Variants in CADPS observed in about 807,000 individuals in gnomAD.
CADPS encodes the protein calcium dependent secretion activator, also known as calcium-dependent secretion activator 1.
Under a neutral mutation model 167.3 loss-of-function variants are expected in CADPS, and 57 were observed. That is an observed-to-expected ratio of 0.34 (90% CI 0.28 to 0.42). The LOEUF (loss-of-function observed/expected upper bound fraction) is 0.42. Ranked by LOEUF, CADPS falls within the 20% of genes least tolerant of loss-of-function variation. CADPS has a pLI of 1.00. For missense variants in CADPS, 1,414 were observed against 1,738.1 expected, an observed-to-expected ratio of 0.81 and a Z score of 3.32; for synonymous variants, 676 against 635.3, an observed-to-expected ratio of 1.06 and a Z score of -0.96.
intron 1 of CADPS, among the ~76,000 whole-genome samples, chr3:62,841,276 A>G (rs926910481): frequency 6.6e-6 from 1 of 152,236 alleles, no homozygotes; most frequent in African/African-American, 2.4e-5. Context: ...CCACTAGGTC[A>G]GATTCTCACT....
chr3:62,418,609 G>A (rs2050680460), intron 28 of CADPS, among the ~76,000 whole-genome samples: 1 of 150,044 alleles, frequency 6.7e-6, no homozygotes, highest in Admixed American at 6.7e-5. Context: ...CCAAAGTGCT[G>A]GCATTATAGG....
At chr3:62,635,640 T>G (rs561790414) in intron 6 of CADPS, among the ~76,000 whole-genome samples, 13 of 63,702 alleles carry the variant, frequency 2.0e-4, no homozygotes, top group Admixed American at 7.9e-4. Context: ...TTTTCGGGCT[T>G]TCTCTGTTTT....
intron 1 of CADPS, among the ~76,000 whole-genome samples, chr3:62,862,058 G>A (rs1045729437): frequency 2.7e-5 from 4 of 149,856 alleles, no homozygotes; most frequent in Admixed American, 6.6e-5. Flanking sequence ...TCTCCAAGGC[G>A]CTAAAAAAAA....
intron 3 of CADPS, among the ~76,000 whole-genome samples, chr3:62,692,959 T>G (rs1417396033): frequency 6.6e-6 from 1 of 152,020 alleles, no homozygotes; most frequent in Non-Finnish European, 1.5e-5. Flanking sequence ...TCTACAAAGC[T>G]CGCTAATATC....
At chr3:62,577,170 G>A (rs1475972205) in intron 8 of CADPS, among the ~76,000 whole-genome samples, 1 of 152,056 alleles carries the variant, frequency 6.6e-6, no homozygotes, top group Non-Finnish European at 1.5e-5. Context: ...TACTTGGTAG[G>A]GTAGCACCCA....
chr3:62,834,105 A>C (rs974876528), intron 1 of CADPS, among the ~76,000 whole-genome samples: 3 of 152,198 alleles, frequency 2.0e-5, no homozygotes, highest in African/African-American at 7.2e-5. Context: ...TATCAGTAAA[A>C]GTCATGTTTT....
At chr3:62,845,879 G>T (rs950054090) in intron 1 of CADPS, among the ~76,000 whole-genome samples, 8 of 152,072 alleles carry the variant, frequency 5.3e-5, no homozygotes, top group Admixed American at 4.6e-4. Flanking sequence ...TGAGTGATAT[G>T]GTTTCACTCT....
At chr3:62,447,078 A>T (rs1053610225) in intron 26 of CADPS, among the ~76,000 whole-genome samples, 2 of 152,178 alleles carry the variant, frequency 1.3e-5, no homozygotes, top group Non-Finnish European at 2.9e-5. Context: ...ACAGCCAATG[A>T]ACCAATAGGG....
At chr3:62,595,487 A>G (rs898167971) in intron 6 of CADPS, among the ~76,000 whole-genome samples, 2 of 152,226 alleles carry the variant, frequency 1.3e-5, no homozygotes, top group African/African-American at 4.8e-5. Flanking sequence ...TTCCTCAGCT[A>G]TAAAATAAGC....
intron 1 of CADPS, chr3:62,779,897 G>C: frequency 5.6e-6 from 1 of 178,430 alleles, no homozygotes; most frequent in South Asian, 1.3e-4. Flanking sequence ...ATAACATAAG[G>C]ATAAAGTTCT....
intron 1 of CADPS, among the ~76,000 whole-genome samples, chr3:62,801,073 C>T (rs73108358): frequency 0.18 from 26,872 of 152,064 alleles, 2,786 homozygotes; most frequent in Middle Eastern, 0.29. Flanking sequence ...GGTGACTAAC[C>T]TTGGACTGTG....
At chr3:62,417,072 C>T (rs1465471151) in intron 28 of CADPS, among the ~76,000 whole-genome samples, 2 of 151,836 alleles carry the variant, frequency 1.3e-5, no homozygotes, top group African/African-American at 2.4e-5. Flanking sequence ...TTTCTAGCTT[C>T]GCATTTTTCA....
chr3:62,528,893 T>C (rs931776467), intron 13 of CADPS, among the ~76,000 whole-genome samples: 1 of 152,190 alleles, frequency 6.6e-6, no homozygotes, highest in African/African-American at 2.4e-5. Flanking sequence ...GCGCGGTGGC[T>C]CATGCCTGTA....
intron 3 of CADPS, among the ~76,000 whole-genome samples, chr3:62,735,119 T>C (rs2078727435): frequency 6.6e-6 from 1 of 152,166 alleles, no homozygotes; most frequent in South Asian, 2.1e-4. Flanking sequence ...AAAATACTTA[T>C]TTCATTAAGT....
At chr3:62,751,117 G>A (rs564844396) in intron 3 of CADPS, among the ~76,000 whole-genome samples, 1 of 152,262 alleles carries the variant, frequency 6.6e-6, no homozygotes, top group South Asian at 2.1e-4. Context: ...TATTGCCACA[G>A]TAAGTTTAGA....
chr3:62,839,296 G>C (rs1331417724), intron 1 of CADPS, among the ~76,000 whole-genome samples: 1 of 152,088 alleles, frequency 6.6e-6, no homozygotes, highest in Non-Finnish European at 1.5e-5. Flanking sequence ...CCGGGTTTAA[G>C]CGATTATCCT....
At chr3:62,761,708 A>G (rs2085483272) in intron 2 of CADPS, among the ~76,000 whole-genome samples, 1 of 151,814 alleles carries the variant, frequency 6.6e-6, no homozygotes, top group Non-Finnish European at 1.5e-5. Flanking sequence ...GGAGAGAGCA[A>G]GGGAGGGCTT....
chr3:62,641,583 G>T (rs2067424467), intron 6 of CADPS, among the ~76,000 whole-genome samples: 1 of 152,110 alleles, frequency 6.6e-6, no homozygotes, highest in Non-Finnish European at 1.5e-5. Context: ...CTAATGGCAG[G>T]ATTTCAAGCA....
intron 2 of CADPS, among the ~76,000 whole-genome samples, chr3:62,761,118 T>C (rs1040291619): frequency 2.6e-5 from 4 of 152,180 alleles, no homozygotes; most frequent in African/African-American, 9.7e-5. Flanking sequence ...TCTGGCTTCC[T>C]GAAGTTAAAC....
Sources: allele counts gnomAD v4.1 joint callset (sites outside exome capture counted in the v4.1 genomes callset), GRCh38; gene constraint gnomAD v4.1.1; transcripts MANE v1.5; gene names NCBI Gene and HGNC (gene_info 2026-07-23, HGNC 2026-07-21).